The following GRAP variants were observed in gnomAD, a reference collection of about 807,000 sequenced individuals.
The protein encoded by GRAP is GRB2-related adapter protein.
A neutral mutation model predicts 9.1 loss-of-function variants in GRAP; 2 were observed. That is an observed-to-expected ratio of 0.22 (90% CI 0.09 to 0.69). GRAP has a LOEUF of 0.69. GRAP is among the 30% of genes least tolerant of loss of function. The pLI is 0.81. For synonymous variants in GRAP, 68 were observed against 73.6 expected (o/e 0.92, Z 0.39); for missense variants, 113 against 179.4 (o/e 0.63, Z 2.12).
Position 19,024,413 on chromosome 17 carries a change from G to T in GRAP, c.300-30C>A, listed in dbSNP as rs1351541584. On this transcript the variant is annotated intron_variant, in intron 3 of 4. Coordinates refer to ENST00000284154, the MANE Select transcript of GRAP (RefSeq NM_006613.4). The surrounding 1 kb of genome is among the most constrained non-coding windows in gnomAD (Gnocchi z 4.2). The stretch of plus-strand genomic sequence containing the variant: ...GGGAAAGGACCCGGGGCCACCTCAG[G>T]TGGTGGCCGTCCCAGCCTGGCATGG... 6.2e-7 allele frequency: 1 copy of T among 1,601,124 alleles called. No homozygotes were observed. The highest frequency in any genetic ancestry group is 8.5e-7 in the Non-Finnish European group (1 of 1,173,340).
intron 3 of GRAP, chr17:19,030,292 G>A: frequency 2.5e-6 from 1 of 400,250 alleles, no homozygotes; most frequent in Non-Finnish European, 4.7e-6. Flanking sequence ...GCCCAGAGAG[G>A]AAAAACAAGG....
Position 19,021,757 on chromosome 17 carries a change from C to CTACCCTTGCTGGG in GRAP, c.*189_*201dup, listed in dbSNP as rs946870235. 4.6e-6 allele frequency: 2 copies of CTACCCTTGCTGGG among 435,834 alleles called. No homozygotes were observed. Among genetic ancestry groups the CTACCCTTGCTGGG allele is most frequent in the East Asian group, 7.1e-5 (2 of 28,240 alleles). 27.0% of individuals were successfully genotyped at this position (435,834 alleles called of 1,614,324 possible). A position where few individuals can be genotyped will look rare whatever the true frequency, so the allele number is the denominator to read the frequency against. ...AGCAACCAGCCAGGAAGCCCCGGAG[C>CTACCCTTGCTGGG]TACCCTTGCTGGGTACCCTTGCTGG... On this transcript the variant is annotated 3_prime_UTR_variant, in exon 5 of 5. Transcript: ENST00000284154. This position sits in a 1 kb window ranked among gnomAD's most constrained non-coding sequence, Gnocchi z 4.1.
At chr17:19,022,455 C>T (rs2044279483) in intron 4 of GRAP, 1 of 320,734 alleles carries the variant, frequency 3.1e-6, no homozygotes, top group East Asian at 4.8e-5. Flanking sequence ...TGGTTAGGTC[C>T]CTGCTTCTCT....
intron 4 of GRAP, among the ~76,000 whole-genome samples, chr17:19,022,754 C>T (rs1206589663): frequency 6.6e-6 from 1 of 152,222 alleles, no homozygotes. Flanking sequence ...CTCTGCAGCA[C>T]ATCTGCCTGG....
intron 3 of GRAP, among the ~76,000 whole-genome samples, chr17:19,027,476 GCGCGCGCGCACACA>G (rs2044316729): frequency 1.2e-5 from 1 of 80,056 alleles, no homozygotes; most frequent in African/African-American, 3.8e-5. Flanking sequence ...ACATGCGCGC[GCGCGCGCGCACACA>G]CACACACACA....
At chr17:19,027,484 GCA>G (rs776285201) in intron 3 of GRAP, among the ~76,000 whole-genome samples, 2,923 of 121,078 alleles carry the variant, frequency 0.024, 69 homozygotes, top group South Asian at 0.051. Flanking sequence ...GCGCGCGCGC[GCA>G]CACACACACA....
intron 3 of GRAP, among the ~76,000 whole-genome samples, chr17:19,027,481 C>T (rs1345926731): frequency 3.7e-4 from 36 of 96,182 alleles, no homozygotes; most frequent in Admixed American, 6.6e-4. Flanking sequence ...CGCGCGCGCG[C>T]GCGCACACAC....
In GRAP at chr17:19,030,321, C is replaced by T. The variant is rs1273867153; in HGVS notation, c.299+5637G>A. 2 of 331,002 alleles carry T rather than the reference C, an allele frequency of 6.0e-6. 1 individual carries two copies. Among genetic ancestry groups the T allele is most frequent in the Non-Finnish European group, 1.1e-5 (2 of 180,090 alleles). 20.5% of individuals were successfully genotyped at this position (331,002 alleles called of 1,614,324 possible). ...AACAAGGCTGGGGTGGGGGCAGGAGCCCTAGGACACCCCCTCCACCACCCC... is the reference window on the plus strand; with the variant it reads ...AACAAGGCTGGGGTGGGGGCAGGAGTCCTAGGACACCCCCTCCACCACCCC... On this transcript the variant is annotated intron_variant, in intron 3 of 4. Coordinates refer to ENST00000284154, the MANE Select transcript of GRAP (RefSeq NM_006613.4).
upstream of GRAP, among the ~76,000 whole-genome samples, chr17:19,051,029 ACT>A (rs1274345829): frequency 2.3e-5 from 3 of 133,312 alleles, no homozygotes; most frequent in Admixed American, 8.5e-5. Context: ...ACAGAGGGAG[ACT>A]CTGTCTCAGA....
At position 19,024,233 on chromosome 17, in the gene GRAP, G is replaced by T. The variant is rs9893211; in HGVS notation, c.450C>A (p.Asp150Glu). The T allele has an allele frequency of 1.9e-6, 3 of 1,593,598 alleles. No homozygotes were observed. Among genetic ancestry groups the T allele is most frequent in the African/African-American group, 2.7e-5 (2 of 74,368 alleles). Reference sequence around the variant, plus strand: ...CCCCTACCTTGAGCAAGGGCTCCTCGTCGCGCAGGAAGATCTGCCGCTTCT... The same window carrying T: ...CCCCTACCTTGAGCAAGGGCTCCTCTTCGCGCAGGAAGATCTGCCGCTTCT... ...IAKKRQIFLR[D>E]EEPLLKSPGA... The change falls in exon 4 of 5, where the codon GAC becomes GAA. Residue 150 changes from aspartate (D) to glutamate (E), a missense_variant. Physicochemically the swap from Asp to Glu is conservative, Grantham distance 45. This residue lies in a region of GRAP where 113 missense variants were observed against 163.3 expected (regional missense o/e 0.69). Coordinates refer to ENST00000284154, the MANE Select transcript of GRAP (RefSeq NM_006613.4). This position sits in a 1 kb window ranked among gnomAD's most constrained non-coding sequence, Gnocchi z 4.2.
intron 3 of GRAP, among the ~76,000 whole-genome samples, chr17:19,025,516 G>A (rs904160030): frequency 1.2e-4 from 16 of 133,682 alleles, no homozygotes; most frequent in African/African-American, 3.1e-4. Flanking sequence ...CTCATTTCCC[G>A]TCTGTGCCCA....
rs780578017 is a variant in GRAP, at chr17:19,022,067, G to A, written c.546C>T (p.Gly182=). The A allele has an allele frequency of 5.7e-6, 9 of 1,592,694 alleles. No homozygotes were observed. The Admixed American group carries it at 7.0e-5, about 12-fold the overall frequency. The change falls in exon 5 of 5, where the codon GGC becomes GGT. Residue 182 remains glycine (G), a synonymous_variant. Coordinates refer to ENST00000284154, the MANE Select transcript of GRAP (RefSeq NM_006613.4). ...GGCGCTCCAGGACCTCAATGATGTC[G>A]CCACGGCGGAAGCTGAGCTGCGAGG... ...QDPSQLSFRR[G]DIIEVLERPD...
intron 4 of GRAP, among the ~76,000 whole-genome samples, chr17:19,023,546 T>G (rs1345214403): frequency 6.6e-6 from 1 of 152,008 alleles, no homozygotes; most frequent in African/African-American, 2.4e-5. Context: ...CCCAATCAGC[T>G]TCAGAGCTGG....
At chr17:19,027,456 T>G (rs1271584371) in intron 3 of GRAP, among the ~76,000 whole-genome samples, 1 of 141,152 alleles carries the variant, frequency 7.1e-6, no homozygotes, top group African/African-American at 2.6e-5. Flanking sequence ...ACTTGATGCC[T>G]TGATGGGACA....
chr17:19,024,263 G>T lies in GRAP; in HGVS notation c.420C>A (p.Ile140=). The change falls in exon 4 of 5, where the codon ATC becomes ATA. Residue 140 remains isoleucine, a synonymous_variant. Transcript: ENST00000284154. The surrounding 1 kb of genome is among the most constrained non-coding windows in gnomAD (Gnocchi z 4.2). ...GCAGGAAGATCTGCCGCTTCTTGGC[G>T]ATGGTGGTGGTGCGGTAGAAGTCGA... is the stretch of plus-strand genomic sequence containing the variant. The part of the protein sequence containing the change: ...ELVDFYRTTT[I]AKKRQIFLRD... The T allele has an allele frequency of 6.2e-7, 1 of 1,605,486 alleles. No homozygotes were observed. Among genetic ancestry groups the T allele is most frequent in the Non-Finnish European group, 8.5e-7 (1 of 1,175,932 alleles).
intron 4 of GRAP, among the ~76,000 whole-genome samples, chr17:19,023,057 G>A (rs556853547): frequency 4.6e-5 from 7 of 152,334 alleles, no homozygotes; most frequent in African/African-American, 1.7e-4. Context: ...ACTCTTCCAA[G>A]GCAGAGCTGG....
rs1413947980 is a variant in GRAP, at chr17:19,027,526, C to CACA, written c.300-3144_300-3143insTGT. ...CACACACACACACACACACACACAC[C>CACA]CCTACCTCTCCTGGGTTGTAAATTG... is the stretch of plus-strand genomic sequence containing the variant. On this transcript the variant is annotated intron_variant, in intron 3 of 4. Transcript: ENST00000284154. Among the ~76,000 whole-genome samples the CACA allele has an allele frequency of 7.7e-4, 59 of 76,738 alleles. 1 individual carries two copies. Among genetic ancestry groups the CACA allele is most frequent in the Non-Finnish European group, 1.2e-3 (33 of 27,016 alleles). The allele number at this position is 76,738 out of a possible 152,430, so 50.3% of individuals were successfully genotyped here.
At chr17:19,025,478 C>T (rs1204427216) in intron 3 of GRAP, among the ~76,000 whole-genome samples, 2 of 141,702 alleles carry the variant, frequency 1.4e-5, no homozygotes, top group Non-Finnish European at 3.1e-5. Flanking sequence ...AGGCGTGAGC[C>T]ACTGCGCCCA....
rs1362718275 is a variant in GRAP, at chr17:19,022,158, A to T, written c.469-14T>A. On this transcript the variant is annotated splice_polypyrimidine_tract_variant and intron_variant, in intron 4 of 4. Transcript: ENST00000284154. ...GGCCCCAGGTGACTGCAAGAAGAGG[A>T]GGTGGTTAGTAGGGTGCCTTCAGAA... 2 of 1,428,602 alleles carry T rather than the reference A, an allele frequency of 1.4e-6. No homozygotes were observed. Among genetic ancestry groups the T allele is most frequent in the African/African-American group, 1.5e-5 (1 of 67,848 alleles). The allele number at this position is 1,428,602 out of a possible 1,614,324, so 88.5% of individuals were successfully genotyped here.
Sources: allele counts gnomAD v4.1 joint callset (sites outside exome capture counted in the v4.1 genomes callset), GRCh38; gene constraint gnomAD v4.1.1; regional missense constraint gnomAD v4.1.1; non-coding constraint Gnocchi (gnomAD v3.1); transcripts MANE v1.5; gene names NCBI Gene and HGNC (gene_info 2026-07-23, HGNC 2026-07-21).